The following SPATS2 variants were observed in gnomAD, a reference collection of about 807,000 sequenced individuals.
The protein encoded by SPATS2 is spermatogenesis-associated serine-rich protein 2.
Under a neutral mutation model 63.7 loss-of-function variants are expected in SPATS2, and 38 were observed. The ratio of observed to expected loss-of-function variants is 0.60; its 90% CI spans 0.46 to 0.78. The LOEUF (loss-of-function observed/expected upper bound fraction) is 0.78, where lower values mean the gene tolerates loss of function less well. Among genes scored for constraint, SPATS2 ranks in the 30% least tolerant of loss-of-function variants. The pLI is 0.00. For missense variants in SPATS2, 588 were observed against 666.2 expected (o/e 0.88, Z 1.29); for synonymous variants, 207 against 232.9 (o/e 0.89, Z 1.01).
intron 9 of SPATS2, among the ~76,000 whole-genome samples, chr12:49,508,806 G>A (rs1946696256): frequency 6.6e-6 from 1 of 150,738 alleles, no homozygotes; most frequent in African/African-American, 2.4e-5. Context: ...GCTCACGCCT[G>A]TAATCTCAGC....
chr12:49,379,224 ATTTTAT>A, intron 2 of SPATS2, among the ~76,000 whole-genome samples: 1 of 151,328 alleles, frequency 6.6e-6, no homozygotes, highest in Non-Finnish European at 1.5e-5. Context: ...CTGGCCCCAG[ATTTTAT>A]TTTTGAGTTG....
intron 5 of SPATS2, chr12:49,490,429 A>G (rs777819323): frequency 6.6e-6 from 3 of 454,632 alleles, no homozygotes; most frequent in East Asian, 7.7e-5. Flanking sequence ...TGGCCCAGCT[A>G]CATTAGTCTC....
chr12:49,467,215 ATTTTTTTTT>A (rs35462676), intron 3 of SPATS2, among the ~76,000 whole-genome samples: 2 of 119,946 alleles, frequency 1.7e-5, no homozygotes, highest in Non-Finnish European at 3.4e-5. Context: ...TGCCTGGCTA[ATTTTTTTTT>A]TTTTTTTTTT....
At chr12:49,491,467 C>A (rs148899005) in intron 6 of SPATS2, among the ~76,000 whole-genome samples, 1 of 152,190 alleles carries the variant, frequency 6.6e-6, no homozygotes, top group East Asian at 1.9e-4. Flanking sequence ...GTAATCCCAG[C>A]ACTTTGGGAG....
intron 3 of SPATS2, among the ~76,000 whole-genome samples, chr12:49,467,925 G>A (rs1219222793): frequency 6.6e-6 from 1 of 151,824 alleles, no homozygotes; most frequent in Non-Finnish European, 1.5e-5. Flanking sequence ...AGTAGAGACG[G>A]GGTTTCACGG....
chr12:49,494,668 G>T, intron 6 of SPATS2, 73 bp from the exon 7 acceptor site: 1 of 1,409,090 alleles, frequency 7.1e-7, no homozygotes, highest in Non-Finnish European at 9.4e-7. Flanking sequence ...TGGGTAGCTA[G>T]AGTTACCTCT....
chr12:49,478,521 T>C (rs1016353072), intron 3 of SPATS2, among the ~76,000 whole-genome samples: 24 of 152,294 alleles, frequency 1.6e-4, no homozygotes, highest in African/African-American at 5.3e-4. Flanking sequence ...TGGTCCAATA[T>C]TGGCTGTGTT....
At chr12:49,516,166 AATATATATATATAT>A (rs869230532) in intron 10 of SPATS2, among the ~76,000 whole-genome samples, 836 of 30,304 alleles carry the variant, frequency 0.028, 4 homozygotes, top group Middle Eastern at 0.083. Flanking sequence ...AAAAAAAAAA[AATATATATATATAT>A]ATATATATAT....
chr12:49,441,687 C>T (rs898512299), intron 2 of SPATS2: 6 of 151,984 alleles, frequency 3.9e-5, no homozygotes, highest in East Asian at 3.8e-4. Flanking sequence ...ACGTATGTAC[C>T]GAAAATCTAA....
intron 3 of SPATS2, among the ~76,000 whole-genome samples, chr12:49,472,440 A>G (rs1946051159): frequency 6.6e-6 from 1 of 151,462 alleles, no homozygotes; most frequent in Admixed American, 6.6e-5. Context: ...AAAAGGCACA[A>G]TTAAGAGAAT....
chr12:49,509,531 G>C (rs755805945), intron 9 of SPATS2, among the ~76,000 whole-genome samples: 11 of 152,048 alleles, frequency 7.2e-5, no homozygotes, highest in Non-Finnish European at 1.5e-4. Context: ...CGGCCTCCCA[G>C]AGTGCTGTGA....
rs113467002 is a variant in SPATS2, at chr12:49,378,083, C to G, written c.-244+6793C>G. On this transcript the variant is annotated intron_variant, in intron 2 of 13. Transcript: ENST00000552918. ...CAGCTCCAGGGTTCAAGCGATTCCC[C>G]TGCCTCAGCCTCCTGAGTAGTTGGG... 7.4e-3 allele frequency among the ~76,000 whole-genome samples: 1,132 copies of G among 152,236 alleles called. 10 individuals are homozygous for G. Among genetic ancestry groups the G allele is most frequent in the African/African-American group, 0.026 (1,065 of 41,538 alleles).
chr12:49,491,600 AG>A (rs1946384096), intron 6 of SPATS2, among the ~76,000 whole-genome samples: 1 of 152,188 alleles, frequency 6.6e-6, no homozygotes, highest in South Asian at 2.1e-4. Context: ...TTTGAGAGGT[AG>A]AAAGCACTCA....
chr12:49,526,056 C>G lies in SPATS2; in HGVS notation c.1439C>G (p.Ser480Trp), dbSNP rs374076189. 6 of 1,614,214 alleles carry G rather than the reference C, an allele frequency of 3.7e-6. No individual in the cohort carries two copies. The African/African-American group carries it at 6.7e-5, about 18-fold the overall frequency. The change falls in exon 14 of 14, where the codon TCG becomes TGG. Residue 480 changes from serine to tryptophan, a missense_variant. Physicochemically the swap from Ser to Trp is radical, Grantham distance 177. Transcript: ENST00000552918. ...HDSMGRYRNS[S>W]WYSSGSRYQS... is the part of the protein sequence containing the mutation. ...AGTATGGGTCGTTACAGAAACAGCT[C>G]GTGGTATTCATCTGGTTCCAGGTAT...
chr12:49,524,971 A>C, intron 13 of SPATS2, 75 bp downstream of exon 13: 5 of 1,419,124 alleles, frequency 3.5e-6, no homozygotes, highest in Non-Finnish European at 4.9e-6. Flanking sequence ...CTGTTAGCTC[A>C]GTATATTATC....
chr12:49,500,343 A>G (rs1321236926), intron 9 of SPATS2, 138 bp downstream of exon 9: 2 of 998,106 alleles, frequency 2.0e-6, no homozygotes, highest in East Asian at 5.4e-5. Context: ...TGGTATATTT[A>G]GCTTTCTGCT....
intron 1 of SPATS2, among the ~76,000 whole-genome samples, chr12:49,369,895 C>T (rs969565285): frequency 6.6e-6 from 1 of 152,178 alleles, no homozygotes; most frequent in Non-Finnish European, 1.5e-5. Context: ...GCTCAGTACT[C>T]AGGTGCCCTT....
chr12:49,503,627 C>T (rs374158196), intron 9 of SPATS2, among the ~76,000 whole-genome samples: 13 of 148,694 alleles, frequency 8.7e-5, no homozygotes, highest in East Asian at 7.8e-4. Flanking sequence ...CCATCCTGGG[C>T]GACAGAGCAA....
intron 2 of SPATS2, among the ~76,000 whole-genome samples, chr12:49,400,126 A>G (rs894206297): frequency 6.6e-6 from 1 of 152,206 alleles, no homozygotes; most frequent in African/African-American, 2.4e-5. Flanking sequence ...CCTTGAGTTT[A>G]TATTCTGGGG....
Sources: gnomAD v4.1 joint callset for allele counts (sites outside exome capture counted in the v4.1 genomes callset) on GRCh38, gnomAD v4.1.1 for gene constraint, MANE v1.5 for transcripts, NCBI Gene and HGNC (gene_info 2026-07-23, HGNC 2026-07-21) for gene names.